Variants in SLCO3A1 observed in about 807,000 individuals in gnomAD.
SLCO3A1 encodes the protein PGE1 transporter.
Under a neutral mutation model 63.1 loss-of-function variants are expected in SLCO3A1, and 27 were observed. The observed-to-expected ratio is 0.43, with a 90% CI of 0.32 to 0.59. The LOEUF is 0.59. SLCO3A1 is among the 20% of genes least tolerant of loss of function. The pLI, the probability that SLCO3A1 is intolerant of heterozygous loss-of-function variation, is 0.09. For synonymous variants in SLCO3A1, 473 were observed against 409.9 expected (o/e 1.15, Z -1.86); for missense variants, 773 against 945.8 (o/e 0.82, Z 2.40).
At chr15:91,997,898 A>G (rs1244227739) in intron 2 of SLCO3A1, among the ~76,000 whole-genome samples, 3 of 152,220 alleles carry the variant, frequency 2.0e-5, no homozygotes, top group Admixed American at 6.5e-5. Flanking sequence ...AGCTCAAACT[A>G]TAAGAATCCT....
At chr15:92,086,554 AT>A (rs1246440535) in intron 2 of SLCO3A1, among the ~76,000 whole-genome samples, 2 of 152,054 alleles carry the variant, frequency 1.3e-5, no homozygotes, top group Non-Finnish European at 2.9e-5. Context: ...TTGCACATGT[AT>A]TTTCCCACAT....
intron 2 of SLCO3A1, among the ~76,000 whole-genome samples, chr15:92,073,639 G>A (rs1048220743): frequency 1.3e-5 from 2 of 152,184 alleles, no homozygotes; most frequent in African/African-American, 2.4e-5. Flanking sequence ...ATTGCACTTC[G>A]GTGGCTTTTG....
rs375750729 is a variant in SLCO3A1 at position 92,019,849 on chromosome 15, G to C, written c.647-75032G>C. Among the ~76,000 whole-genome samples the C allele has an allele frequency of 4.7e-4, 72 of 152,246 alleles. 1 individual carries two copies. The highest frequency in any genetic ancestry group is 1.6e-3 in the African/African-American group (68 of 41,542). On this transcript the variant is annotated intron_variant, in intron 2 of 9. Transcript: ENST00000318445. ...TTGGGTGCCTTATTGTCTGTCGGGT[G>C]CCCCACAGCAGAGACCTCAGGGTTT... is the stretch of plus-strand genomic sequence containing the variant.
Position 91,968,573 on chromosome 15 carries a change from G to A in SLCO3A1, c.646+52115G>A. On this transcript the variant is annotated intron_variant, in intron 2 of 9. Coordinates refer to ENST00000318445, the MANE Select transcript of SLCO3A1 (RefSeq NM_013272.4). The surrounding 1 kb of genome is among the most constrained non-coding windows in gnomAD (Gnocchi z 4.2). The stretch of plus-strand genomic sequence containing the variant: ...GGCATCAAATTCTGGTGCTAACAAA[G>A]GAAGTTCCATCACAGACAAGGAGTG... Among the ~76,000 whole-genome samples, 1 of 152,098 alleles carries A rather than the reference G, an allele frequency of 6.6e-6. No homozygotes were observed. The highest frequency in any genetic ancestry group is 2.1e-4 in the South Asian group (1 of 4,814).
At chr15:91,999,101 G>C (rs745620044) in intron 2 of SLCO3A1, among the ~76,000 whole-genome samples, 1 of 152,166 alleles carries the variant, frequency 6.6e-6, no homozygotes, top group African/African-American at 2.4e-5. Flanking sequence ...ACTCGTGGAC[G>C]TAAAGTCGGC....
intron 2 of SLCO3A1, among the ~76,000 whole-genome samples, chr15:92,091,623 C>T (rs2047477919): frequency 6.6e-6 from 1 of 152,076 alleles, no homozygotes; most frequent in African/African-American, 2.4e-5. Context: ...GCACGAAGGC[C>T]CCTCCCACGT....
At chr15:92,056,256 A>G (rs1181198662) in intron 2 of SLCO3A1, among the ~76,000 whole-genome samples, 3 of 152,206 alleles carry the variant, frequency 2.0e-5, no homozygotes, top group Non-Finnish European at 2.9e-5. Flanking sequence ...CCTTGAAGGC[A>G]AAATAAAGCA....
At chr15:92,071,720 C>T (rs769685458) in intron 2 of SLCO3A1, among the ~76,000 whole-genome samples, 162 of 152,192 alleles carry the variant, frequency 1.1e-3, no homozygotes, top group Non-Finnish European at 1.6e-3. Flanking sequence ...TCAGTCGTGA[C>T]ACCTGGGGAT....
intron 6 of SLCO3A1, 69 bp from the exon 7 acceptor site, chr15:92,128,282 T>C (rs999054148): frequency 6.3e-7 from 1 of 1,591,104 alleles, no homozygotes; most frequent in African/African-American, 1.3e-5. Context: ...GGCAAAAGGC[T>C]GTCACTGGGG....
rs1983351 is a variant in SLCO3A1 at position 92,005,364 on chromosome 15, G to T, written c.646+88906G>T. Among the ~76,000 whole-genome samples the T allele has an allele frequency of 1.2e-3, 181 of 152,100 alleles. 1 individual carries two copies. The highest frequency in any genetic ancestry group is 3.8e-3 in the African/African-American group (159 of 41,488). ...CAGTGATGGCCATAGTGTGCCGAAG[G>T]GGCTGATCGCTTCAAGAGCGTCTGG... On this transcript the variant is annotated intron_variant, in intron 2 of 9. Transcript: ENST00000318445.
intron 2 of SLCO3A1, among the ~76,000 whole-genome samples, chr15:92,044,096 C>T (rs1005357422): frequency 2.2e-4 from 34 of 152,170 alleles, no homozygotes; most frequent in Non-Finnish European, 2.6e-4. Context: ...GACCATTATA[C>T]GAATTCTTAG....
At chr15:91,971,394 CAA>C (rs796386299) in intron 2 of SLCO3A1, among the ~76,000 whole-genome samples, 1 of 39,366 alleles carries the variant, frequency 2.5e-5, no homozygotes, top group Non-Finnish European at 4.7e-5. Flanking sequence ...GACTCCATCT[CAA>C]AAAAAAAAAA....
chr15:91,933,974 T>C (rs115802200), intron 2 of SLCO3A1, among the ~76,000 whole-genome samples: 447 of 152,342 alleles, frequency 2.9e-3, no homozygotes, highest in African/African-American at 0.01. Flanking sequence ...TTACTTTTTC[T>C]GATGGTACTG....
chr15:92,012,791 C>T (rs891511472), intron 2 of SLCO3A1, among the ~76,000 whole-genome samples: 1 of 149,876 alleles, frequency 6.7e-6, no homozygotes, highest in African/African-American at 2.4e-5. Flanking sequence ...ACTCTAGGCC[C>T]TGCTCGACTG....
intron 2 of SLCO3A1, among the ~76,000 whole-genome samples, chr15:91,997,752 A>T (rs541840570): frequency 6.6e-6 from 1 of 152,324 alleles, no homozygotes; most frequent in Non-Finnish European, 1.5e-5. Flanking sequence ...AAAAATAAGC[A>T]ATGGGTAAAG....
intron 1 of SLCO3A1, among the ~76,000 whole-genome samples, chr15:91,904,400 T>C (rs566612631): frequency 7.2e-5 from 11 of 151,814 alleles, no homozygotes; most frequent in Non-Finnish European, 1.2e-4. Flanking sequence ...GCGTCAGGTG[T>C]GCCATTTGCA....
intron 2 of SLCO3A1, among the ~76,000 whole-genome samples, chr15:91,947,548 A>C (rs1193489149): frequency 6.6e-6 from 1 of 152,134 alleles, no homozygotes; most frequent in Non-Finnish European, 1.5e-5. Context: ...AGATGATGAC[A>C]CTAGGAGCCT....
At chr15:92,019,116 G>C (rs1394081547) in intron 2 of SLCO3A1, among the ~76,000 whole-genome samples, 1 of 152,124 alleles carries the variant, frequency 6.6e-6, no homozygotes, top group Non-Finnish European at 1.5e-5. Context: ...TGGGCTGGCC[G>C]GTTGCTGCTT....
At chr15:92,022,441 C>T (rs1185752066) in intron 2 of SLCO3A1, among the ~76,000 whole-genome samples, 1 of 152,200 alleles carries the variant, frequency 6.6e-6, no homozygotes, top group East Asian at 1.9e-4. Flanking sequence ...TGACCTTAGC[C>T]CACTTGCCTT....
Sources: allele counts gnomAD v4.1 joint callset (sites outside exome capture counted in the v4.1 genomes callset), GRCh38; gene constraint gnomAD v4.1.1; non-coding constraint Gnocchi (gnomAD v3.1); transcripts MANE v1.5; gene names NCBI Gene and HGNC (gene_info 2026-07-23, HGNC 2026-07-21).